Variants in WIZ observed in about 807,000 individuals in gnomAD.
The protein encoded by WIZ is protein Wiz.
Under a neutral mutation model 140.2 loss-of-function variants are expected in WIZ, and 25 were observed. The ratio of observed to expected loss-of-function variants is 0.18; its 90% CI spans 0.13 to 0.25. The LOEUF (loss-of-function observed/expected upper bound fraction) is 0.25, where lower values mean the gene tolerates loss of function less well. Among genes scored for constraint, WIZ ranks in the 10% least tolerant of loss-of-function variants. The probability of loss-of-function intolerance (pLI) is 1.00; values close to 1 mark genes in which losing one functional copy is unlikely to be tolerated. For synonymous variants in WIZ, 1,125 were observed against 1,154.3 expected (o/e 0.97, Z 0.51); for missense variants, 2,231 against 2,632.6 (o/e 0.85, Z 3.34).
chr19:15,424,983 C>A lies in WIZ; in HGVS notation c.4944G>T (p.Lys1648Asn). Residue 1648 changes from lysine to asparagine, a missense_variant, in exon 11 of 13, where the codon AAG (lysine) becomes AAT (asparagine). Lys to Asn is a moderately conservative substitution (Grantham distance 94). Around this residue, in one of 15 missense-constraint regions of WIZ, gnomAD observed 18 missense variants for 61.4 expected, o/e 0.29. Transcript: ENST00000673675. The surrounding 1 kb of genome is among the most constrained non-coding windows in gnomAD (Gnocchi z 9.7). ...GTGCCCGTGCGTGGCTGGCCAGGGCCTTGCGGTTTTCAAAGTAAAGGCCAC... is the reference window on the plus strand; with the variant it reads ...GTGCCCGTGCGTGGCTGGCCAGGGCATTGCGGTTTTCAAAGTAAAGGCCAC... ...ELCGLYFENR[K>N]ALASHARAHL... is the part of the protein sequence containing the mutation. 6.2e-7 allele frequency: 1 copy of A among 1,602,964 alleles called. No individual in the cohort carries two copies. The highest frequency in any genetic ancestry group is 8.5e-7 in the Non-Finnish European group (1 of 1,176,146).
Position 15,425,073 on chromosome 19 carries a change from G to A in WIZ, c.4895-41C>T, listed in dbSNP as rs752360530. Reference sequence around the variant, plus strand: ...GGTGCTGCTGAGTCACAGCCCAAAGGGGGCAGGTGCACCCAGATGGCCCTG... The same window carrying A: ...GGTGCTGCTGAGTCACAGCCCAAAGAGGGCAGGTGCACCCAGATGGCCCTG... On this transcript the variant is annotated intron_variant, in intron 10 of 12. Transcript: ENST00000673675. 8.9e-5 allele frequency: 136 copies of A among 1,519,642 alleles called. 1 individual carries two copies. The South Asian group carries it at 1.4e-3, about 16-fold the overall frequency. The allele number at this position is 1,519,642 out of a possible 1,614,324, so 94.1% of individuals were successfully genotyped here. A position where few individuals can be genotyped will look rare whatever the true frequency, so the allele number is the denominator to read the frequency against.
chr19:15,441,249 G>T (rs1049926735), intron 3 of WIZ, among the ~76,000 whole-genome samples: 3 of 152,202 alleles, frequency 2.0e-5, no homozygotes, highest in Admixed American at 6.5e-5. Flanking sequence ...GAGGTTGAAG[G>T]TCCCTGCTAA....
intron 2 of WIZ, among the ~76,000 whole-genome samples, chr19:15,447,366 C>A (rs1453800680): frequency 6.6e-6 from 1 of 152,198 alleles, no homozygotes. Context: ...TCCCAGGTCT[C>A]CCAGGCATGA....
intron 5 of WIZ, among the ~76,000 whole-genome samples, chr19:15,434,112 G>C (rs948400260): frequency 6.6e-6 from 1 of 152,106 alleles, no homozygotes; most frequent in Non-Finnish European, 1.5e-5. Flanking sequence ...AAAAAAATTA[G>C]CTGGGCATGG....
Position 15,439,698 on chromosome 19 carries a change from G to C in WIZ, c.1296C>G (p.Thr432=). 1 of 1,497,568 alleles carries C rather than the reference G, an allele frequency of 6.7e-7. No individual in the cohort carries two copies. The allele number at this position is 1,497,568 out of a possible 1,614,324, so 92.8% of individuals were successfully genotyped here. A position where few individuals can be genotyped will look rare whatever the true frequency, so the allele number is the denominator to read the frequency against. Residue 432 remains threonine (T), a synonymous_variant, in exon 4 of 13, where the codon ACC becomes ACG. Transcript: ENST00000673675. The surrounding 1 kb of genome is among the most constrained non-coding windows in gnomAD (Gnocchi z 7.0). ...CGCTGCTGCCTCCAAAAGGCTCTTT[G>C]GTGGTCTGGCCTGGGGGCTCACGCA... ...LHMREPPGQT[T]KEPFGGSSGA...
chr19:15,448,049 G>T (rs972830041), intron 2 of WIZ, 54 bp downstream of exon 2: 78 of 1,599,810 alleles, frequency 4.9e-5, no homozygotes, highest in Non-Finnish European at 6.3e-5. Context: ...CTCTCTCTGA[G>T]CCTTGGGGAA....
In WIZ at chr19:15,426,964, C is replaced by T; in HGVS notation, c.4366+18G>A. On this transcript the variant is annotated intron_variant, in intron 9 of 12. Coordinates refer to ENST00000673675, the MANE Select transcript of WIZ (RefSeq NM_001371589.1). ...CCCTCCAACTGTTCTCCCTGCCCTA[C>T]TGCAGGGTCACACTTACACAGGTTC... The T allele has an allele frequency of 6.3e-7, 1 of 1,592,394 alleles. No individual in the cohort carries two copies. Among genetic ancestry groups the T allele is most frequent in the Non-Finnish European group, 8.6e-7 (1 of 1,167,296 alleles).
chr19:15,445,343 G>A (rs374963969), intron 2 of WIZ, among the ~76,000 whole-genome samples: 14 of 152,344 alleles, frequency 9.2e-5, no homozygotes, highest in African/African-American at 2.2e-4. Context: ...CTCCCACTCC[G>A]AGCCTTGGTT....
chr19:15,430,985 C>A (rs1354832645), intron 6 of WIZ, 27 bp downstream of exon 6: 2 of 1,499,358 alleles, frequency 1.3e-6, no homozygotes, highest in African/African-American at 2.8e-5. Context: ...GGCCAGCATC[C>A]CCTGCCATGC....
rs1298975990 is a variant in WIZ at position 15,448,477 on chromosome 19, T to C, written c.-60-110A>G. 5.0e-6 allele frequency: 4 copies of C among 802,110 alleles called. No homozygotes were observed. In the East Asian group the frequency reaches 1.1e-4, roughly 22 times the overall value. The allele number at this position is 802,110 out of a possible 1,614,324, so 49.7% of individuals were successfully genotyped here. ...AACTTTGCAGCTCACTGCCTCAGTTTACCTCCCAGCCCAGGGGAGCTAATG... is the reference window on the plus strand; with the variant it reads ...AACTTTGCAGCTCACTGCCTCAGTTCACCTCCCAGCCCAGGGGAGCTAATG... On this transcript the variant is annotated intron_variant, in intron 1 of 12. Coordinates refer to ENST00000673675, the MANE Select transcript of WIZ (RefSeq NM_001371589.1).
At chr19:15,429,495 C>A in intron 7 of WIZ, 91 bp downstream of exon 7, 4 of 1,027,098 alleles carry the variant, frequency 3.9e-6, no homozygotes, top group Non-Finnish European at 5.1e-6. Flanking sequence ...CCCCCACCCA[C>A]CCTGGGCCCT....
intron 2 of WIZ, among the ~76,000 whole-genome samples, chr19:15,443,166 G>A (rs1419585217): frequency 6.6e-6 from 1 of 152,186 alleles, no homozygotes; most frequent in Non-Finnish European, 1.5e-5. Flanking sequence ...CTGCCTCCTG[G>A]GTTCAAGCGA....
At position 15,430,998 on chromosome 19, in the gene WIZ, C is replaced by T. The variant is rs1234122376; in HGVS notation, c.2911+14G>A. On this transcript the variant is annotated intron_variant, in intron 6 of 12. Transcript: ENST00000673675. Reference sequence around the variant, plus strand: ...CTGGCCAGCATCCCCTGCCATGCCACCTGGGCCACTCACCCTTGAGGTCCT... The same window carrying T: ...CTGGCCAGCATCCCCTGCCATGCCATCTGGGCCACTCACCCTTGAGGTCCT... 1 of 1,518,724 alleles carries T rather than the reference C, an allele frequency of 6.6e-7. No individual in the cohort carries two copies. The allele number at this position is 1,518,724 out of a possible 1,614,324, so 94.1% of individuals were successfully genotyped here. A position where few individuals can be genotyped will look rare whatever the true frequency, so the allele number is the denominator to read the frequency against.
At chr19:15,446,206 G>A (rs1370927112) in intron 2 of WIZ, among the ~76,000 whole-genome samples, 1 of 152,110 alleles carries the variant, frequency 6.6e-6, no homozygotes, top group Non-Finnish European at 1.5e-5. Flanking sequence ...GAGACCCTGG[G>A]TGATTCCCCA....
At chr19:15,425,090 AT>A in intron 10 of WIZ, 58 bp from the exon 11 acceptor site, 1 of 1,507,596 alleles carries the variant, frequency 6.6e-7, no homozygotes, top group Non-Finnish European at 8.8e-7. Context: ...GTGCACCCAG[AT>A]GGCCCTGCCC....
At chr19:15,426,520 G>T (rs1968830645) in intron 9 of WIZ, among the ~76,000 whole-genome samples, 1 of 152,214 alleles carries the variant, frequency 6.6e-6, no homozygotes, top group African/African-American at 2.4e-5. Flanking sequence ...CTTGCCCAAG[G>T]TCACATAAAG....
At chr19:15,429,493 CA>C in intron 7 of WIZ, 92 bp downstream of exon 7, 4 of 924,922 alleles carry the variant, frequency 4.3e-6, no homozygotes, top group Non-Finnish European at 5.8e-6. Context: ...CGCCCCCACC[CA>C]CCCTGGGCCC....
Position 15,439,954 on chromosome 19 carries a change from G to C in WIZ, c.1040C>G (p.Ala347Gly). Residue 347 changes from alanine to glycine, a missense_variant, in exon 4 of 13, where the codon GCG becomes GGG. By Grantham distance (60) the Ala-to-Gly change is moderately conservative. Coordinates refer to ENST00000673675, the MANE Select transcript of WIZ (RefSeq NM_001371589.1). The surrounding 1 kb of genome is among the most constrained non-coding windows in gnomAD (Gnocchi z 7.0). The stretch of plus-strand genomic sequence containing the variant: ...CCCGCAGGCCAGCGGGGCCAGGTCC[G>C]CAGGGGGCTCCTGGCCCGGGGCTCG... ...HRRAPGQEPPADLAPLACGEC... is the reference protein window; with the variant it reads ...HRRAPGQEPPGDLAPLACGEC... 6.5e-7 allele frequency: 1 copy of C among 1,535,420 alleles called. No individual in the cohort carries two copies. The highest frequency in any genetic ancestry group is 8.7e-7 in the Non-Finnish European group (1 of 1,146,556).
intron 2 of WIZ, among the ~76,000 whole-genome samples, chr19:15,447,307 C>A (rs1969951929): frequency 6.6e-6 from 1 of 152,176 alleles, no homozygotes; most frequent in South Asian, 2.1e-4. Flanking sequence ...ATGCCCGTCC[C>A]ACCATTCACT....
Sources: gnomAD v4.1 joint callset for allele counts (sites outside exome capture counted in the v4.1 genomes callset) on GRCh38, gnomAD v4.1.1 for gene constraint, gnomAD v4.1.1 regional missense constraint, Gnocchi (gnomAD v3.1) non-coding constraint, MANE v1.5 for transcripts, NCBI Gene and HGNC (gene_info 2026-07-23, HGNC 2026-07-21) for gene names.